SRGAP1: variants seen among roughly 807,000 people sequenced by gnomAD.
The protein encoded by SRGAP1 is SLIT-ROBO Rho GTPase activating protein 1.
In SRGAP1, 43 loss-of-function variants were observed where a neutral mutation model predicts 121.9. That is an observed-to-expected ratio of 0.35 (90% CI 0.28 to 0.46). The LOEUF (loss-of-function observed/expected upper bound fraction) is 0.46, where lower values mean the gene tolerates loss of function less well. Among genes scored for constraint, SRGAP1 ranks in the 20% least tolerant of loss-of-function variants. The pLI is 1.00. For missense variants in SRGAP1, 1,102 were observed against 1,350.9 expected (o/e 0.82, Z 2.89); for synonymous variants, 447 against 485.4 (o/e 0.92, Z 1.04).
chr12:63,898,765 A>G (rs1650486828), intron 1 of SRGAP1, among the ~76,000 whole-genome samples: 1 of 152,184 alleles, frequency 6.6e-6, no homozygotes, highest in South Asian at 2.1e-4. Flanking sequence ...TCCCACTGTT[A>G]GATATTGTTT....
At chr12:64,052,428 G>T (rs1393386478) in intron 6 of SRGAP1, among the ~76,000 whole-genome samples, 2 of 151,922 alleles carry the variant, frequency 1.3e-5, no homozygotes, top group Admixed American at 6.6e-5. Context: ...GGTGGTGGGT[G>T]CCTATAATCC....
intron 15 of SRGAP1, among the ~76,000 whole-genome samples, chr12:64,105,908 G>A (rs1368372817): frequency 2.0e-5 from 3 of 152,192 alleles, no homozygotes; most frequent in Admixed American, 2.0e-4. Context: ...GAATAATATA[G>A]TAAGAGTGGT....
intron 1 of SRGAP1, among the ~76,000 whole-genome samples, chr12:63,943,436 A>G (rs944367665): frequency 6.6e-6 from 1 of 152,220 alleles, no homozygotes; most frequent in Non-Finnish European, 1.5e-5. Flanking sequence ...TTAGCATGTT[A>G]ATTCCTATAA....
At chr12:63,869,589 ACT>A (rs1229509765) in intron 1 of SRGAP1, among the ~76,000 whole-genome samples, 2 of 152,018 alleles carry the variant, frequency 1.3e-5, no homozygotes, top group African/African-American at 2.4e-5. Context: ...CCATAACTTA[ACT>A]CTGATTTTTC....
rs184973382 is a variant in SRGAP1 at position 64,045,230 on chromosome 12, G to A, written c.801+1655G>A. ...TAATGAAATAAAACGAACTTTTTCT[G>A]TTACACTGCCCCTAGATTTCCTAAA... On this transcript the variant is annotated intron_variant, in intron 6 of 21. Coordinates refer to ENST00000355086, the MANE Select transcript of SRGAP1 (RefSeq NM_020762.4). Among the ~76,000 whole-genome samples the A allele has an allele frequency of 2.6e-5, 4 of 151,830 alleles. No individual in the cohort carries two copies. The East Asian group carries it at 7.7e-4, about 29-fold the overall frequency.
At chr12:64,019,150 C>G (rs1184002208) in intron 4 of SRGAP1, among the ~76,000 whole-genome samples, 1 of 152,174 alleles carries the variant, frequency 6.6e-6, no homozygotes, top group Admixed American at 6.5e-5. Flanking sequence ...AACTTGACCA[C>G]TGAATACAAG....
chr12:64,020,548 T>C (rs2034516959), intron 4 of SRGAP1, among the ~76,000 whole-genome samples: 1 of 152,156 alleles, frequency 6.6e-6, no homozygotes, highest in African/African-American at 2.4e-5. Flanking sequence ...GCAGTTAAGA[T>C]TAGTTCAGTC....
At chr12:64,121,007 C>CTTTTT (rs35809572) in intron 18 of SRGAP1, among the ~76,000 whole-genome samples, 1 of 116,014 alleles carries the variant, frequency 8.6e-6, no homozygotes, top group Non-Finnish European at 1.9e-5. Context: ...TTCTTTGTGT[C>CTTTTT]TTTTTTTTTT....
intron 1 of SRGAP1, 104 bp from the exon 2 acceptor site, chr12:63,983,843 T>G (rs61931172): frequency 1.9e-5 from 2 of 105,542 alleles, no homozygotes; most frequent in African/African-American, 8.5e-5. Context: ...TATATATATA[T>G]ATATATATAT....
At chr12:63,919,690 A>AT (rs2030964551) in intron 1 of SRGAP1, among the ~76,000 whole-genome samples, 1 of 151,420 alleles carries the variant, frequency 6.6e-6, no homozygotes, top group Admixed American at 6.6e-5. Context: ...CTACTTCCTA[A>AT]TTTTTTTCTT....
chr12:64,051,830 A>C (rs1429279484), intron 6 of SRGAP1, among the ~76,000 whole-genome samples: 1 of 152,138 alleles, frequency 6.6e-6, no homozygotes, highest in African/African-American at 2.4e-5. Context: ...CCAATGTAGA[A>C]AATCTCTAAT....
chr12:63,894,483 T>A (rs1292558162), intron 1 of SRGAP1, among the ~76,000 whole-genome samples: 1 of 152,024 alleles, frequency 6.6e-6, no homozygotes, highest in Non-Finnish European at 1.5e-5. Context: ...TTTTTTTTTT[T>A]TAATTATACT....
intron 3 of SRGAP1, among the ~76,000 whole-genome samples, chr12:63,990,543 A>C (rs2136418759): frequency 6.6e-6 from 1 of 152,320 alleles, no homozygotes. Context: ...AACAAACAAA[A>C]AAAAGAGTTA....
At chr12:63,977,802 T>C (rs1444324583) in intron 1 of SRGAP1, among the ~76,000 whole-genome samples, 1 of 151,986 alleles carries the variant, frequency 6.6e-6, no homozygotes, top group African/African-American at 2.4e-5. Flanking sequence ...GAAATAATAG[T>C]CATTTAAAAA....
chr12:63,999,300 A>G (rs1249491817), intron 3 of SRGAP1, among the ~76,000 whole-genome samples: 1 of 152,220 alleles, frequency 6.6e-6, no homozygotes. Flanking sequence ...GTTCAAATTT[A>G]TCCTAAGAGC....
At chr12:63,889,464 C>T (rs1900503798) in intron 1 of SRGAP1, among the ~76,000 whole-genome samples, 1 of 152,128 alleles carries the variant, frequency 6.6e-6, no homozygotes, top group East Asian at 1.9e-4. Context: ...TGTGTGAATA[C>T]TCAGTCTAAG....
At chr12:64,040,595 A>G (rs2034996252) in intron 4 of SRGAP1, among the ~76,000 whole-genome samples, 2 of 152,214 alleles carry the variant, frequency 1.3e-5, no homozygotes, top group African/African-American at 4.8e-5. Context: ...GATGTCTGAC[A>G]TATGAAAGCA....
chr12:63,871,711 C>T, intron 1 of SRGAP1: 2 of 878,112 alleles, frequency 2.3e-6, no homozygotes, highest in Non-Finnish European at 1.8e-6. Flanking sequence ...ATTTTCTCTT[C>T]AAAATTAAAA....
rs566965113 is a variant in SRGAP1 at position 64,100,210 on chromosome 12, T to G, written c.1813+2835T>G. ...ATATGCCAATACCTGGGTTGGCCACTTATCAATCTGTCTGTTCTGCTAAGT... is the reference window on the plus strand; with the variant it reads ...ATATGCCAATACCTGGGTTGGCCACGTATCAATCTGTCTGTTCTGCTAAGT... On this transcript the variant is annotated intron_variant, in intron 15 of 21. Coordinates refer to ENST00000355086, the MANE Select transcript of SRGAP1 (RefSeq NM_020762.4). Among the ~76,000 whole-genome samples the G allele has an allele frequency of 4.8e-4, 73 of 152,348 alleles. 1 individual carries two copies. Among genetic ancestry groups the G allele is most frequent in the South Asian group, 1.5e-3 (7 of 4,826 alleles).
Sources: allele counts gnomAD v4.1 joint callset (sites outside exome capture counted in the v4.1 genomes callset), GRCh38; gene constraint gnomAD v4.1.1; transcripts MANE v1.5; gene names NCBI Gene and HGNC (gene_info 2026-07-23, HGNC 2026-07-21).